DYNC2H1: variants seen among roughly 807,000 people sequenced by gnomAD.
DYNC2H1 encodes the protein dynein cytoplasmic 2 heavy chain 1.
In DYNC2H1, 410 loss-of-function variants were observed where a neutral mutation model predicts 570.0. The ratio of observed to expected loss-of-function variants is 0.72; its 90% CI spans 0.66 to 0.78. The LOEUF (loss-of-function observed/expected upper bound fraction) is 0.78, where lower values mean the gene tolerates loss of function less well. DYNC2H1 is among the 30% of genes least tolerant of loss of function. The pLI is 0.00. For synonymous variants in DYNC2H1, 1,688 were observed against 1,677.6 expected (o/e 1.01, Z -0.15); for missense variants, 4,865 against 5,046.4 (o/e 0.96, Z 1.09).
intron 84 of DYNC2H1, among the ~76,000 whole-genome samples, chr11:103,400,117 A>T (rs1469384852): frequency 6.6e-6 from 1 of 152,222 alleles, no homozygotes; most frequent in Non-Finnish European, 1.5e-5. Flanking sequence ...CTAGTGTTAC[A>T]TATATAATGA....
intron 80 of DYNC2H1, among the ~76,000 whole-genome samples, chr11:103,318,156 A>G (rs1430578451): frequency 6.6e-6 from 1 of 152,190 alleles, no homozygotes; most frequent in Non-Finnish European, 1.5e-5. Flanking sequence ...TTAATGAAGT[A>G]TATGGACAAA....
At position 103,204,284 on chromosome 11, in the gene DYNC2H1, A is replaced by G. The variant is rs1862837006; in HGVS notation, c.8311+508A>G. ...GGGATTATGGGAGCTACAAAATGAG[A>G]TTTGGGTAGGGACACAGAGCCAAAC... On this transcript the variant is annotated intron_variant, in intron 51 of 88. Transcript: ENST00000375735. The surrounding 1 kb of genome is among the most constrained non-coding windows in gnomAD (Gnocchi z 4.1). Among the ~76,000 whole-genome samples the G allele has an allele frequency of 6.6e-6, 1 of 152,134 alleles. No homozygotes were observed. The highest frequency in any genetic ancestry group is 1.5e-5 in the Non-Finnish European group (1 of 68,014).
At chr11:103,426,211 T>C (rs1451342822) in intron 84 of DYNC2H1, among the ~76,000 whole-genome samples, 1 of 152,240 alleles carries the variant, frequency 6.6e-6, no homozygotes, top group Non-Finnish European at 1.5e-5. Context: ...TTAGTTAATC[T>C]ATAATCTATA....
Position 103,135,938 on chromosome 11 carries a change from A to G in DYNC2H1, c.2564A>G (p.His855Arg), listed in dbSNP as rs762644833. 8.6e-5 allele frequency: 138 copies of G among 1,605,820 alleles called. No individual in the cohort carries two copies. The highest frequency in any genetic ancestry group is 1.1e-4 in the Non-Finnish European group (132 of 1,175,360). ...TTTAGAAGATTGTCAGCTGTTTTAC[A>G]CCAACATAAGGTATAGAACATGTAA... ...DLFRRLSAVL[H>R]QHKEWIVIGQ... The change falls in exon 17 of 89, where the codon CAC becomes CGC. Residue 855 changes from histidine (H) to arginine (R), a missense_variant. By Grantham distance (29) the His-to-Arg change is conservative (BLOSUM62 0). Transcript: ENST00000375735.
chr11:103,246,345 C>T (rs963794153), intron 65 of DYNC2H1, among the ~76,000 whole-genome samples: 9 of 151,964 alleles, frequency 5.9e-5, no homozygotes, highest in Non-Finnish European at 8.8e-5. Flanking sequence ...TTAGGGCCAT[C>T]TCAATTTGCC....
chr11:103,441,020 C>A (rs909009086), intron 85 of DYNC2H1, among the ~76,000 whole-genome samples: 1 of 152,172 alleles, frequency 6.6e-6, no homozygotes, highest in African/African-American at 2.4e-5. Context: ...TTACATCACT[C>A]TTCTCTTGGA....
chr11:103,310,508 A>G (rs898016666), intron 78 of DYNC2H1, among the ~76,000 whole-genome samples: 1 of 150,610 alleles, frequency 6.6e-6, no homozygotes, highest in Non-Finnish European at 1.5e-5. Context: ...CTTTTTAAAA[A>G]CTCTAAGTGG....
chr11:103,260,086 G>T (rs1291363405), intron 70 of DYNC2H1, 109 bp downstream of exon 70: 2 of 542,680 alleles, frequency 3.7e-6, no homozygotes, highest in Non-Finnish European at 5.6e-6. Context: ...TATTAAAAAT[G>T]GTATTTCTGG....
At chr11:103,378,421 A>G (rs1056139309) in intron 83 of DYNC2H1, among the ~76,000 whole-genome samples, 1 of 152,186 alleles carries the variant, frequency 6.6e-6, no homozygotes, top group African/African-American at 2.4e-5. Context: ...TTAAAGAGAA[A>G]TCAATACACT....
rs750368287 is a variant in DYNC2H1 at position 103,116,599 on chromosome 11, A to G, written c.651A>G (p.Leu217=). 17 of 1,608,026 alleles carry G rather than the reference A, an allele frequency of 1.1e-5. No homozygotes were observed. Among genetic ancestry groups the G allele is most frequent in the Non-Finnish European group, 1.3e-5 (15 of 1,176,620 alleles). ...REFYNLDSLS[L]LEVVDLVETT... Reference sequence around the variant, plus strand: ...TTTATAACTTGGACAGTCTATCCTTACTAGAAGTTGTTGACTTGGTGGAGA... The same window carrying G: ...TTTATAACTTGGACAGTCTATCCTTGCTAGAAGTTGTTGACTTGGTGGAGA... The change falls in exon 5 of 89, where the codon TTA becomes TTG. Residue 217 remains leucine, a synonymous_variant. Transcript: ENST00000375735.
rs1216276175 is a variant in DYNC2H1, at chr11:103,456,332, G to C, written c.12624G>C (p.Leu4208=). The change falls in exon 87 of 89, where the codon CTG becomes CTC. Residue 4208 remains leucine, a synonymous_variant. Transcript: ENST00000375735. ...TTGTAGCCTCATGGAAAGGTCGACT[G>C]CAAGAAGCAAAGCTACAAATTAAGG... is the stretch of plus-strand genomic sequence containing the variant. ...LKFVASWKGR[L]QEAKLQIKIS... 6.2e-7 allele frequency: 1 copy of C among 1,605,430 alleles called. No individual in the cohort carries two copies. Among genetic ancestry groups the C allele is most frequent in the Non-Finnish European group, 8.5e-7 (1 of 1,175,566 alleles).
At chr11:103,227,562 G>A (rs1235934208) in intron 59 of DYNC2H1, among the ~76,000 whole-genome samples, 3 of 152,024 alleles carry the variant, frequency 2.0e-5, no homozygotes, top group Admixed American at 6.6e-5. Flanking sequence ...ATATAATTTC[G>A]ATTTTCTTAA....
chr11:103,147,015 T>A (rs371829289), intron 18 of DYNC2H1, among the ~76,000 whole-genome samples: 2 of 152,218 alleles, frequency 1.3e-5, no homozygotes, highest in East Asian at 3.8e-4. Context: ...GCCATTTCTA[T>A]ATTTATCTTG....
At position 103,395,140 on chromosome 11, in the gene DYNC2H1, G is replaced by A. The variant is rs1235324360; in HGVS notation, c.12157-4523G>A. On this transcript the variant is annotated intron_variant, in intron 83 of 88. Coordinates refer to ENST00000375735, the MANE Select transcript of DYNC2H1 (RefSeq NM_001377.3). The surrounding 1 kb of genome is among the most constrained non-coding windows in gnomAD (Gnocchi z 4.3). ...CTGATCGTAGATGCTTGGGAAAGTTGTCTGTTGAACTTGCATTAATCAGTT... is the reference window on the plus strand; with the variant it reads ...CTGATCGTAGATGCTTGGGAAAGTTATCTGTTGAACTTGCATTAATCAGTT... Among the ~76,000 whole-genome samples, 2 of 152,086 alleles carry A rather than the reference G, an allele frequency of 1.3e-5. No individual in the cohort carries two copies. The highest frequency in any genetic ancestry group is 1.9e-4 in the East Asian group (1 of 5,182).
chr11:103,231,814 A>T (rs1374871381), intron 60 of DYNC2H1, among the ~76,000 whole-genome samples: 1 of 152,020 alleles, frequency 6.6e-6, no homozygotes, highest in Non-Finnish European at 1.5e-5. Context: ...TATTCAGATT[A>T]AAACTATGAA....
intron 86 of DYNC2H1, among the ~76,000 whole-genome samples, chr11:103,455,791 A>C (rs1232908453): frequency 6.6e-6 from 1 of 152,158 alleles, no homozygotes; most frequent in East Asian, 1.9e-4. Flanking sequence ...GATTAAGATC[A>C]AGCTCCTTTT....
intron 25 of DYNC2H1, 145 bp downstream of exon 25, chr11:103,155,646 A>G (rs955620550): frequency 3.3e-5 from 26 of 784,694 alleles, no homozygotes; most frequent in Non-Finnish European, 4.9e-5. Flanking sequence ...ATCATTTTAC[A>G]TAAAATACAT....
chr11:103,203,205 A>G lies in DYNC2H1; in HGVS notation c.8198-458A>G, dbSNP rs1862791111. ...AAGTGATATATTTGAATAGTATGTG[A>G]AAGAGAAAGAGTGTTTAATCAGCAT... On this transcript the variant is annotated intron_variant, in intron 50 of 88. Coordinates refer to ENST00000375735, the MANE Select transcript of DYNC2H1 (RefSeq NM_001377.3). The surrounding 1 kb of genome is among the most constrained non-coding windows in gnomAD (Gnocchi z 4.7). Among the ~76,000 whole-genome samples the G allele has an allele frequency of 6.6e-6, 1 of 152,200 alleles. No homozygotes were observed. The highest frequency in any genetic ancestry group is 2.1e-4 in the South Asian group (1 of 4,832).
intron 84 of DYNC2H1, among the ~76,000 whole-genome samples, chr11:103,400,702 G>A (rs1203925611): frequency 6.6e-6 from 1 of 151,712 alleles, no homozygotes; most frequent in Non-Finnish European, 1.5e-5. Context: ...TCAATATAGG[G>A]AAACCTCTGA....
Sources: allele counts gnomAD v4.1 joint callset (sites outside exome capture counted in the v4.1 genomes callset), GRCh38; gene constraint gnomAD v4.1.1; non-coding constraint Gnocchi (gnomAD v3.1); transcripts MANE v1.5; gene names NCBI Gene and HGNC (gene_info 2026-07-23, HGNC 2026-07-21).